Variants in NID2 observed in about 807,000 individuals in gnomAD.
NID2 encodes nidogen 2.
In NID2, 83 loss-of-function variants were observed where a neutral mutation model predicts 145.4. That is an observed-to-expected ratio of 0.57 (90% CI 0.48 to 0.69). NID2 has a LOEUF of 0.69. Among genes scored for constraint, NID2 ranks in the 30% least tolerant of loss-of-function variants. NID2 has a pLI of 0.00. For missense variants in NID2, 1,807 were observed against 1,765.7 expected, an observed-to-expected ratio of 1.02 and a Z score of -0.42; for synonymous variants, 739 against 701.3, an observed-to-expected ratio of 1.05 and a Z score of -0.85.
chr14:52,015,217 G>C lies in NID2; in HGVS notation c.3087C>G (p.His1029Gln). ...CERWRENLLE[H>Q]YGGTPRDDQY... ...GGTCATCCCGGGGGGTGCCACCGTA[G>C]TGCTCCAGCAGGTTTTCCCTCCAGC... Residue 1029 changes from histidine (H) to glutamine (Q), a missense_variant, in exon 15 of 22, where the codon CAC (histidine) becomes CAG (glutamine). His to Gln is a conservative substitution (Grantham distance 24). Coordinates refer to ENST00000216286, the MANE Select transcript of NID2 (RefSeq NM_007361.4). 1 of 1,613,794 alleles carries C rather than the reference G, an allele frequency of 6.2e-7. No individual in the cohort carries two copies. Among genetic ancestry groups the C allele is most frequent in the South Asian group, 1.1e-5 (1 of 91,060 alleles).
At chr14:52,023,706 T>G (rs912764267) in intron 12 of NID2, among the ~76,000 whole-genome samples, 2 of 152,064 alleles carry the variant, frequency 1.3e-5, no homozygotes, top group Non-Finnish European at 2.9e-5. Flanking sequence ...CTGAGAAATA[T>G]CCAGCTCACA....
chr14:52,054,078 A>G lies in NID2; in HGVS notation c.1011T>C (p.Asn337=). Residue 337 remains asparagine, a synonymous_variant, in exon 4 of 22, where the codon AAT becomes AAC. Coordinates refer to ENST00000216286, the MANE Select transcript of NID2 (RefSeq NM_007361.4). ...AGGAAACATCAATGCTGCTGTGGCC[A>G]TTCAATGCCTCCTCTGGTTCACCCG... is the stretch of plus-strand genomic sequence containing the variant. ...YLPGEPEEAL[N]GHSSIDVSFQ... The G allele has an allele frequency of 6.2e-7, 1 of 1,614,218 alleles. No individual in the cohort carries two copies. The highest frequency in any genetic ancestry group is 2.2e-5 in the East Asian group (1 of 44,892).
chr14:52,006,852 A>G (rs1036988450), intron 19 of NID2, 192 bp from the exon 20 acceptor site: 3 of 469,512 alleles, frequency 6.4e-6, no homozygotes, highest in Admixed American at 4.0e-5. Flanking sequence ...CAAACTTTCA[A>G]TCCTTTTTTG....
chr14:52,040,811 C>T lies in NID2; in HGVS notation c.1866G>A (p.Pro622=), dbSNP rs146481572. The T allele has an allele frequency of 9.2e-5, 149 of 1,614,132 alleles. No individual in the cohort carries two copies. In the South Asian group the frequency reaches 1.4e-3, roughly 15 times the overall value. ...GAGTGATACGAACCGTCTCCTCTCC[C>T]GGGTAGAATGTAACTTCCATGTCAT... The part of the protein sequence containing the change: ...FTHDMEVTFY[P]GEETVRITQT... The change falls in exon 8 of 22, where the codon CCG becomes CCA. Residue 622 remains proline, a synonymous_variant. Transcript: ENST00000216286.
Position 52,060,118 on chromosome 14 carries a change from A to T in NID2, c.767+6T>A. The T allele has an allele frequency of 6.3e-7, 1 of 1,587,392 alleles. No homozygotes were observed. The highest frequency in any genetic ancestry group is 8.6e-7 in the Non-Finnish European group (1 of 1,158,240). ...TAGGAAAGGGCTTCAGCTCAATGTT[A>T]CTTACTGATAGAGATTTTTCACAGA... On this transcript the variant is annotated splice_donor_region_variant and intron_variant, in intron 3 of 21. Transcript: ENST00000216286.
intron 5 of NID2, among the ~76,000 whole-genome samples, chr14:52,044,800 G>C (rs181330494): frequency 1.9e-4 from 29 of 151,810 alleles, no homozygotes; most frequent in Non-Finnish European, 3.5e-4. Flanking sequence ...AGGGTGGGTT[G>C]GGGGGAGGGG....
chr14:52,007,617 TTCCC>T, intron 19 of NID2, 189 bp downstream of exon 19: 1 of 595,078 alleles, frequency 1.7e-6, no homozygotes, highest in East Asian at 2.9e-5. Flanking sequence ...TGATATATCC[TTCCC>T]TCCACCCAAA....
intron 18 of NID2, chr14:52,010,543 T>C: frequency 5.4e-6 from 1 of 184,786 alleles, no homozygotes; most frequent in Non-Finnish European, 1.1e-5. Context: ...ACTTCCAGTT[T>C]AAGTGTCAGC....
chr14:52,019,703 G>A (rs1022921362), intron 13 of NID2, among the ~76,000 whole-genome samples: 1 of 152,154 alleles, frequency 6.6e-6, no homozygotes, highest in Non-Finnish European at 1.5e-5. Flanking sequence ...CCTCTAACAC[G>A]GTCGCCACGG....
chr14:52,030,336 C>T (rs2453949), intron 9 of NID2, among the ~76,000 whole-genome samples: 148,017 of 152,096 alleles, frequency 0.97, 72,107 homozygotes, highest in Non-Finnish European at 1. Flanking sequence ...ACTGAAATCT[C>T]CCCTAGAGAA....
intron 5 of NID2, among the ~76,000 whole-genome samples, chr14:52,046,942 C>T (rs188970150): frequency 1.4e-3 from 209 of 152,340 alleles, no homozygotes; most frequent in African/African-American, 3.6e-3. Context: ...CCCTCTTCCA[C>T]GCCTGCCTTC....
At chr14:52,060,901 T>C (rs1023842802) in intron 2 of NID2, among the ~76,000 whole-genome samples, 1 of 152,224 alleles carries the variant, frequency 6.6e-6, no homozygotes, top group African/African-American at 2.4e-5. Flanking sequence ...TCCTCTTCCA[T>C]CTACCCTTTC....
chr14:52,033,162 T>G (rs1174522887), intron 9 of NID2, among the ~76,000 whole-genome samples: 1 of 152,226 alleles, frequency 6.6e-6, no homozygotes, highest in Non-Finnish European at 1.5e-5. Flanking sequence ...GTATCCTTCT[T>G]AAGACATTTT....
At chr14:52,029,792 T>C (rs1047228088) in intron 9 of NID2, 102 bp from the exon 10 acceptor site, 1 of 979,374 alleles carries the variant, frequency 1.0e-6, no homozygotes, top group Non-Finnish European at 1.5e-6. Context: ...CTGTGTTTTG[T>C]GACACACCGG....
chr14:52,013,476 T>C (rs909795756), intron 16 of NID2, among the ~76,000 whole-genome samples: 1 of 152,224 alleles, frequency 6.6e-6, no homozygotes, highest in African/African-American at 2.4e-5. Flanking sequence ...ATAAGTGTCG[T>C]TCATTAACAG....
At chr14:52,042,630 T>A in intron 6 of NID2, 152 bp downstream of exon 6, 1 of 854,488 alleles carries the variant, frequency 1.2e-6, no homozygotes. Context: ...ACCAGTTCAT[T>A]CCTCACACAT....
At position 52,054,325 on chromosome 14, in the gene NID2, A is replaced by C; in HGVS notation, c.768-4T>G. 3 of 1,605,420 alleles carry C rather than the reference A, an allele frequency of 1.9e-6. No individual in the cohort carries two copies. Among genetic ancestry groups the C allele is most frequent in the Non-Finnish European group, 2.6e-6 (3 of 1,174,636 alleles). The stretch of plus-strand genomic sequence containing the variant: ...AGGGATCCCCAGGTTGCTTAGTCTA[A>C]ATAAAAAGGAAACAGTCATTGTAAC... On this transcript the variant is annotated splice_region_variant and splice_polypyrimidine_tract_variant and intron_variant, in intron 3 of 21. Coordinates refer to ENST00000216286, the MANE Select transcript of NID2 (RefSeq NM_007361.4).
chr14:52,030,144 G>C (rs1392024296), intron 9 of NID2, among the ~76,000 whole-genome samples: 2 of 152,022 alleles, frequency 1.3e-5, no homozygotes, highest in Admixed American at 6.5e-5. Context: ...CCAACTTCCT[G>C]GTTCTAAATC....
rs368808674 is a variant in NID2 at position 52,040,867 on chromosome 14, A to G, written c.1826-16T>C. ...AAGGCAGCACCTGGAGATGAAAAAC[A>G]TTCAGCACAGGGATGAAAAGAGGTC... On this transcript the variant is annotated splice_polypyrimidine_tract_variant and intron_variant, in intron 7 of 21. Transcript: ENST00000216286. 97 of 1,612,932 alleles carry G rather than the reference A, an allele frequency of 6.0e-5. No individual in the cohort carries two copies. In the African/African-American group the frequency reaches 1.1e-3, roughly 18 times the overall value.
Sources: allele counts gnomAD v4.1 joint callset (sites outside exome capture counted in the v4.1 genomes callset), GRCh38; gene constraint gnomAD v4.1.1; transcripts MANE v1.5; gene names NCBI Gene and HGNC (gene_info 2026-07-23, HGNC 2026-07-21).